DNMT1: variants seen among roughly 807,000 people sequenced by gnomAD.
DNMT1 encodes the protein DNA methyltransferase 1.
DNMT1 carries 24 observed loss-of-function variants against 205.3 expected under a neutral mutation model. That is an observed-to-expected ratio of 0.12 (90% CI 0.08 to 0.16). DNMT1 has a LOEUF of 0.16. DNMT1 is among the 10% of genes least tolerant of loss of function. The pLI, the probability that DNMT1 is intolerant of heterozygous loss-of-function variation, is 1.00. For missense variants in DNMT1, 1,293 were observed against 2,177.7 expected (o/e 0.59, Z 8.09); for synonymous variants, 817 against 839.8 (o/e 0.97, Z 0.47).
intron 6 of DNMT1, among the ~76,000 whole-genome samples, chr19:10,176,724 G>A (rs986616382): frequency 3.8e-4 from 57 of 152,000 alleles, no homozygotes; most frequent in African/African-American, 1.3e-3. Flanking sequence ...CAGGCGTGGC[G>A]GCGCGCGCCT....
Position 10,137,662 on chromosome 19 carries a change from T to G in DNMT1, c.4293+170A>C, listed in dbSNP as rs1483147343. ...TCCAGGACTGCGGGAGCTCTGACACTTCCCATGACCATGCAAGAGAGACCA... is the reference window on the plus strand; with the variant it reads ...TCCAGGACTGCGGGAGCTCTGACACGTCCCATGACCATGCAAGAGAGACCA... On this transcript the variant is annotated intron_variant, in intron 36 of 40. Coordinates refer to ENST00000359526, the MANE Select transcript of DNMT1 (RefSeq NM_001130823.3). This position sits in a 1 kb window ranked among gnomAD's most constrained non-coding sequence, Gnocchi z 6.4. 5.1e-6 allele frequency: 5 copies of G among 975,626 alleles called. No homozygotes were observed. The highest frequency in any genetic ancestry group is 4.8e-5 in the African/African-American group (3 of 62,038). 60.4% of individuals were successfully genotyped at this position (975,626 alleles called of 1,614,324 possible). A position where few individuals can be genotyped will look rare whatever the true frequency, so the allele number is the denominator to read the frequency against.
Position 10,151,608 on chromosome 19 carries a change from C to A in DNMT1, c.2118-63G>T. 16 of 1,611,570 alleles carry A rather than the reference C, an allele frequency of 9.9e-6. No individual in the cohort carries two copies. Among genetic ancestry groups the A allele is most frequent in the African/African-American group, 1.3e-5 (1 of 75,026 alleles). On this transcript the variant is annotated intron_variant, in intron 23 of 40. Transcript: ENST00000359526. This position sits in a 1 kb window ranked among gnomAD's most constrained non-coding sequence, Gnocchi z 5.0. ...AAGTAAGACCAACCGGGGCTGTTTTCTTCATAACAGGGACAGGTCCTGAGA... is the reference window on the plus strand; with the variant it reads ...AAGTAAGACCAACCGGGGCTGTTTTATTCATAACAGGGACAGGTCCTGAGA...
chr19:10,160,992 C>T (rs1314487818), intron 13 of DNMT1, among the ~76,000 whole-genome samples: 1 of 151,980 alleles, frequency 6.6e-6, no homozygotes, highest in Non-Finnish European at 1.5e-5. Context: ...TAAGTGGACA[C>T]CTCAAGGTAA....
Position 10,143,939 on chromosome 19 carries a change from A to C in DNMT1, c.2943T>G (p.Asp981Glu). ...GGTAGTGCTCTGGGTACAGGTCCTC[A>C]TCCACGGGCTCCTTCCGTGGGCGTT... ...PVKRPRKEPV[D>E]EDLYPEHYRK... Residue 981 changes from aspartate to glutamate, a missense_variant, in exon 29 of 41, where the codon GAT (aspartate) becomes GAG (glutamate). By Grantham distance (45) the Asp-to-Glu change is conservative. Around this residue, in one of 13 missense-constraint regions of DNMT1, gnomAD observed 167 missense variants for 258.1 expected, o/e 0.65. Transcript: ENST00000359526. 6.2e-7 allele frequency: 1 copy of C among 1,614,114 alleles called. No individual in the cohort carries two copies. The highest frequency in any genetic ancestry group is 8.5e-7 in the Non-Finnish European group (1 of 1,180,024).
intron 14 of DNMT1, 111 bp from the exon 15 acceptor site, chr19:10,160,174 G>A: frequency 3.2e-6 from 5 of 1,582,700 alleles, no homozygotes; most frequent in Non-Finnish European, 4.3e-6. Context: ...GGAGGCACCG[G>A]CTGTGGCAGT....
In DNMT1 at chr19:10,146,562, G is replaced by A; in HGVS notation, c.2721-38C>T. 6.2e-7 allele frequency: 1 copy of A among 1,612,904 alleles called. No individual in the cohort carries two copies. ...AAGGGACAGAAACATAAGGCCCTGA[G>A]GTGGCCGGCAGTGGCCGCAGCAGCT... On this transcript the variant is annotated intron_variant, in intron 27 of 40. Transcript: ENST00000359526. The surrounding 1 kb of genome is among the most constrained non-coding windows in gnomAD (Gnocchi z 4.4).
intron 22 of DNMT1, among the ~76,000 whole-genome samples, chr19:10,152,578 G>C (rs888899868): frequency 6.6e-5 from 10 of 151,702 alleles, no homozygotes; most frequent in African/African-American, 2.4e-4. Flanking sequence ...TAGGCAACAT[G>C]GCAAAATCCC....
In DNMT1 at chr19:10,133,728, C is replaced by T; in HGVS notation, c.4865-27G>A. 6.3e-7 allele frequency: 1 copy of T among 1,576,038 alleles called. No homozygotes were observed. Among genetic ancestry groups the T allele is most frequent in the Non-Finnish European group, 8.6e-7 (1 of 1,159,742 alleles). On this transcript the variant is annotated intron_variant, in intron 40 of 40. Coordinates refer to ENST00000359526, the MANE Select transcript of DNMT1 (RefSeq NM_001130823.3). This position sits in a 1 kb window ranked among gnomAD's most constrained non-coding sequence, Gnocchi z 4.1. ...TGAAGGGAAATAAAAGGAAAAGTCA[C>T]TCTGGGGAACACGCCCGGTGTCACG...
chr19:10,148,305 G>T (rs893365010), intron 27 of DNMT1, among the ~76,000 whole-genome samples: 19 of 150,652 alleles, frequency 1.3e-4, no homozygotes, highest in Admixed American at 2.0e-4. Context: ...GACCATCCTG[G>T]CTAACACAGT....
At position 10,156,618 on chromosome 19, in the gene DNMT1, CT is replaced by C; in HGVS notation, c.1281-110del. ...TGAGAGAATGTACAAGTCTGACACT[CT>C]TTTTTTGTTTGTTTTTGAGACAGAG... On this transcript the variant is annotated intron_variant, in intron 17 of 40. Transcript: ENST00000359526. This position sits in a 1 kb window ranked among gnomAD's most constrained non-coding sequence, Gnocchi z 4.2. 7 of 822,576 alleles carry C rather than the reference CT, an allele frequency of 8.5e-6. No homozygotes were observed. The highest frequency in any genetic ancestry group is 1.0e-5 in the Non-Finnish European group (5 of 479,096). 51.0% of individuals were successfully genotyped at this position (822,576 alleles called of 1,614,324 possible).
At chr19:10,163,973 C>T (rs2038633625) in intron 11 of DNMT1, among the ~76,000 whole-genome samples, 1 of 152,078 alleles carries the variant, frequency 6.6e-6, no homozygotes, top group African/African-American at 2.4e-5. Context: ...CAAGCTCCTC[C>T]CCAGGTTCAG....
rs377716574 is a variant in DNMT1, at chr19:10,179,066, T to C, written c.493+1121A>G. 2.5e-3 allele frequency among the ~76,000 whole-genome samples: 372 copies of C among 149,412 alleles called. 3 individuals are homozygous for C. The highest frequency in any genetic ancestry group is 8.9e-3 in the African/African-American group (360 of 40,492). On this transcript the variant is annotated intron_variant, in intron 5 of 40. Transcript: ENST00000359526. ...ATGGCATGAACCTGGGAGGCAGAGC[T>C]TGCAGTGAGCCGAGATTGCGCCACT...
In DNMT1 at chr19:10,139,528, C is replaced by T. The variant is rs553136977; in HGVS notation, c.3948+148G>A. 890 of 1,370,304 alleles carry T rather than the reference C, an allele frequency of 6.5e-4. 6 individuals carry two copies. Among genetic ancestry groups the T allele is most frequent in the African/African-American group, 5.9e-3 (411 of 70,054 alleles). 84.9% of individuals were successfully genotyped at this position (1,370,304 alleles called of 1,614,324 possible). ...GCTGAGCACGCATCTCCCCTGACTC[C>T]GCCAGTGGGACAGAGCACCATGCCA... On this transcript the variant is annotated intron_variant, in intron 34 of 40. Coordinates refer to ENST00000359526, the MANE Select transcript of DNMT1 (RefSeq NM_001130823.3).
intron 14 of DNMT1, 99 bp downstream of exon 14, chr19:10,160,285 G>C (rs2038541681): frequency 6.3e-7 from 1 of 1,578,708 alleles, no homozygotes; most frequent in Non-Finnish European, 8.7e-7. Flanking sequence ...ATGAGCCTAA[G>C]GTTGCTCTGG....
intron 1 of DNMT1, among the ~76,000 whole-genome samples, chr19:10,186,866 T>C (rs1449051817): frequency 7.8e-6 from 1 of 128,900 alleles, no homozygotes; most frequent in Non-Finnish European, 1.5e-5. Context: ...AAAAGATATA[T>C]ATAAACAACC....
At chr19:10,167,961 A>G (rs1485471992) in intron 10 of DNMT1, among the ~76,000 whole-genome samples, 2 of 151,990 alleles carry the variant, frequency 1.3e-5, no homozygotes, top group African/African-American at 2.4e-5. Context: ...TGTCTCTACT[A>G]AAAATACGAA....
chr19:10,180,247 G>C lies in DNMT1; in HGVS notation c.446-13C>G. On this transcript the variant is annotated splice_polypyrimidine_tract_variant and intron_variant, in intron 4 of 40. Transcript: ENST00000359526. Reference sequence around the variant, plus strand: ...GGGTCTCTTGAACCTGGGAGGCAGAGGTTACAGTGAGCCGAGGTTACACCA... The same window carrying C: ...GGGTCTCTTGAACCTGGGAGGCAGACGTTACAGTGAGCCGAGGTTACACCA... 1 of 1,407,010 alleles carries C rather than the reference G, an allele frequency of 7.1e-7. No homozygotes were observed. The allele number at this position is 1,407,010 out of a possible 1,614,324, so 87.2% of individuals were successfully genotyped here. A position where few individuals can be genotyped will look rare whatever the true frequency, so the allele number is the denominator to read the frequency against.
chr19:10,143,661 A>G (rs1032505149), intron 29 of DNMT1, 105 bp downstream of exon 29: 5 of 1,323,568 alleles, frequency 3.8e-6, no homozygotes, highest in South Asian at 1.2e-5. Flanking sequence ...AGCTACTTCA[A>G]CCTAACTCTT....
chr19:10,182,404 T>C (rs565738372), intron 1 of DNMT1, among the ~76,000 whole-genome samples: 19 of 82,068 alleles, frequency 2.3e-4, no homozygotes, highest in South Asian at 8.3e-4. Flanking sequence ...TGTATATATA[T>C]ACATATATAT....
Sources: gnomAD v4.1 joint callset for allele counts (sites outside exome capture counted in the v4.1 genomes callset) on GRCh38, gnomAD v4.1.1 for gene constraint, gnomAD v4.1.1 regional missense constraint, Gnocchi (gnomAD v3.1) non-coding constraint, MANE v1.5 for transcripts, NCBI Gene and HGNC (gene_info 2026-07-23, HGNC 2026-07-21) for gene names.